The following ATF6 variants were observed in gnomAD, a reference collection of about 807,000 sequenced individuals.
ATF6 encodes the protein cyclic AMP-dependent transcription factor ATF-6 alpha.
In ATF6, 53 loss-of-function variants were observed where a neutral mutation model predicts 83.6. The ratio of observed to expected loss-of-function variants is 0.63; its 90% CI spans 0.51 to 0.80. The LOEUF is 0.80. Ranked by LOEUF, ATF6 falls within the 30% of genes least tolerant of loss-of-function variation. The pLI is 0.00. For synonymous variants in ATF6, 288 were observed against 285.8 expected, an observed-to-expected ratio of 1.01 and a Z score of -0.08; for missense variants, 744 against 797.9, an observed-to-expected ratio of 0.93 and a Z score of 0.81.
At chr1:161,790,081 G>A (rs1557961212) in intron 4 of ATF6, among the ~76,000 whole-genome samples, 1 of 152,030 alleles carries the variant, frequency 6.6e-6, no homozygotes, top group African/African-American at 2.4e-5. Context: ...TGAAATGGCT[G>A]TTCCTGCCTT....
chr1:161,771,739 GAGT>G (rs1684394584), intron 1 of ATF6, among the ~76,000 whole-genome samples: 2 of 152,040 alleles, frequency 1.3e-5, no homozygotes, highest in Admixed American at 6.6e-5. Context: ...TCAGCCTCCC[GAGT>G]AGCTGGGACT....
chr1:161,867,250 G>A (rs112655874), intron 14 of ATF6, among the ~76,000 whole-genome samples: 42,844 of 151,696 alleles, frequency 0.28, 7,448 homozygotes, highest in South Asian at 0.41. Flanking sequence ...AGCCGAGATC[G>A]CGCCACTGCA....
chr1:161,952,519 C>T (rs1264451786), intron 15 of ATF6, among the ~76,000 whole-genome samples: 1 of 152,040 alleles, frequency 6.6e-6, no homozygotes, highest in Non-Finnish European at 1.5e-5. Context: ...TGTATCCACC[C>T]TCTCACTCTC....
At chr1:161,792,098 T>G in intron 5 of ATF6, 26 bp from the exon 6 acceptor site, 1 of 1,606,748 alleles carries the variant, frequency 6.2e-7, no homozygotes, top group Non-Finnish European at 8.5e-7. Context: ...TCACATTGAC[T>G]TGTGGTTTGT....
chr1:161,799,879 G>A (rs1466804358), intron 6 of ATF6, among the ~76,000 whole-genome samples: 2 of 152,064 alleles, frequency 1.3e-5, no homozygotes, highest in Non-Finnish European at 2.9e-5. Flanking sequence ...AGTTTTCCCC[G>A]ATCCTTTGAA....
chr1:161,771,457 A>G (rs947241441), intron 1 of ATF6, among the ~76,000 whole-genome samples: 5 of 152,196 alleles, frequency 3.3e-5, no homozygotes, highest in Non-Finnish European at 7.3e-5. Flanking sequence ...CCTTTTCACC[A>G]TAGGGCCTCT....
chr1:161,898,478 T>A (rs73019349), intron 14 of ATF6, among the ~76,000 whole-genome samples: 18,485 of 152,142 alleles, frequency 0.12, 2,369 homozygotes, highest in African/African-American at 0.32. Flanking sequence ...TCCCCATGAT[T>A]TCATTGAATT....
intron 7 of ATF6, among the ~76,000 whole-genome samples, chr1:161,810,355 C>T (rs921461282): frequency 6.6e-6 from 1 of 152,090 alleles, no homozygotes. Context: ...GTGCTACACA[C>T]TTTTAAACAA....
intron 15 of ATF6, among the ~76,000 whole-genome samples, chr1:161,951,713 G>A (rs532837486): frequency 2.0e-5 from 3 of 152,268 alleles, no homozygotes; most frequent in South Asian, 2.1e-4. Flanking sequence ...GAAGACCTGA[G>A]GAAATGCATT....
intron 8 of ATF6, 123 bp from the exon 9 acceptor site, chr1:161,820,947 G>A: frequency 1.6e-5 from 7 of 427,098 alleles, no homozygotes; most frequent in South Asian, 4.7e-5. Context: ...TTTTAAATAA[G>A]ACAAGGTATT....
chr1:161,879,236 A>G (rs1232270344), intron 14 of ATF6, among the ~76,000 whole-genome samples: 1 of 152,116 alleles, frequency 6.6e-6, no homozygotes, highest in Non-Finnish European at 1.5e-5. Context: ...AAGTAAGGAT[A>G]TTAGAGGAGG....
chr1:161,952,096 A>C (rs1676134957), intron 15 of ATF6, among the ~76,000 whole-genome samples: 1 of 152,120 alleles, frequency 6.6e-6, no homozygotes. Flanking sequence ...TTTTCCCATT[A>C]TGCCCCTCCT....
intron 5 of ATF6, 63 bp downstream of exon 5, chr1:161,791,600 TAAAAG>T: frequency 1.3e-6 from 2 of 1,502,028 alleles, no homozygotes; most frequent in Non-Finnish European, 1.8e-6. Flanking sequence ...TTCCATTTCT[TAAAAG>T]AAAATGCTGG....
intron 9 of ATF6, among the ~76,000 whole-genome samples, chr1:161,845,655 G>T (rs1196870849): frequency 6.6e-6 from 1 of 151,718 alleles, no homozygotes; most frequent in Non-Finnish European, 1.5e-5. Flanking sequence ...CATGCCTATA[G>T]TCTCAGCTAC....
intron 14 of ATF6, among the ~76,000 whole-genome samples, chr1:161,885,055 C>A (rs1442208404): frequency 6.6e-6 from 1 of 152,108 alleles, no homozygotes; most frequent in Non-Finnish European, 1.5e-5. Context: ...GTAAAGTCTG[C>A]AGCTCATGAA....
At chr1:161,950,394 G>A (rs1411379002) in intron 15 of ATF6, among the ~76,000 whole-genome samples, 1 of 152,192 alleles carries the variant, frequency 6.6e-6, no homozygotes, top group African/African-American at 2.4e-5. Flanking sequence ...TCAGAAGAAA[G>A]AGTACTCTTT....
At chr1:161,820,965 C>G (rs1235352000) in intron 8 of ATF6, 105 bp from the exon 9 acceptor site, 2 of 572,858 alleles carry the variant, frequency 3.5e-6, no homozygotes, top group Non-Finnish European at 5.7e-6. Context: ...ATTTGTAAGA[C>G]AAGAGATTTA....
At chr1:161,904,470 C>G (rs997908081) in intron 14 of ATF6, among the ~76,000 whole-genome samples, 6 of 152,018 alleles carry the variant, frequency 3.9e-5, no homozygotes, top group African/African-American at 1.5e-4. Context: ...TGCATGTAAT[C>G]CTAGCTACTC....
chr1:161,816,621 G>A (rs1024220117), intron 7 of ATF6, among the ~76,000 whole-genome samples: 11 of 152,130 alleles, frequency 7.2e-5, no homozygotes, highest in Admixed American at 5.9e-4. Flanking sequence ...GAAAACTATA[G>A]TAATTTCAAC....
Sources: gnomAD v4.1 joint callset for allele counts (sites outside exome capture counted in the v4.1 genomes callset) on GRCh38, gnomAD v4.1.1 for gene constraint, MANE v1.5 for transcripts, NCBI Gene and HGNC (gene_info 2026-07-23, HGNC 2026-07-21) for gene names.